The following CFAP54 variants were observed in gnomAD, a reference collection of about 807,000 sequenced individuals.
CFAP54 encodes cilia- and flagella-associated protein 54.
Under a neutral mutation model 370.4 loss-of-function variants are expected in CFAP54, and 290 were observed. The ratio of observed to expected loss-of-function variants is 0.78; its 90% CI spans 0.71 to 0.86. The LOEUF (loss-of-function observed/expected upper bound fraction) is 0.86. Among genes scored for constraint, CFAP54 ranks in the 40% least tolerant of loss-of-function variants. The probability of loss-of-function intolerance (pLI) is 0.00; values close to 1 mark genes in which losing one functional copy is unlikely to be tolerated. For missense variants in CFAP54, 3,399 were observed against 3,528.7 expected (o/e 0.96, Z 0.93); for synonymous variants, 1,206 against 1,236.5 (o/e 0.98, Z 0.52).
chr12:96,874,685 A>T (rs1427794147), intron 67 of CFAP54, among the ~76,000 whole-genome samples: 1 of 121,936 alleles, frequency 8.2e-6, no homozygotes, highest in Non-Finnish European at 1.6e-5. Context: ...GCTGGAGTGC[A>T]GTGGCGCGAT....
At chr12:96,831,830 G>C (rs1006730306) in intron 66 of CFAP54, among the ~76,000 whole-genome samples, 3 of 152,076 alleles carry the variant, frequency 2.0e-5, no homozygotes, top group Non-Finnish European at 2.9e-5. Context: ...TTTAATCTTT[G>C]CTTCACTTAT....
At chr12:96,566,816 A>C (rs1341820277) in intron 19 of CFAP54, among the ~76,000 whole-genome samples, 2 of 152,204 alleles carry the variant, frequency 1.3e-5, no homozygotes, top group Non-Finnish European at 2.9e-5. Flanking sequence ...GAAGTTCACT[A>C]TGTGCCTGGT....
chr12:96,500,998 G>A, intron 2 of CFAP54, 59 bp downstream of exon 2: 1 of 985,430 alleles, frequency 1.0e-6, no homozygotes, highest in South Asian at 1.5e-5. Flanking sequence ...TATTATTACA[G>A]TATTTAGTCT....
chr12:96,669,216 G>C (rs1957115768), intron 39 of CFAP54, among the ~76,000 whole-genome samples: 1 of 152,204 alleles, frequency 6.6e-6, no homozygotes, highest in African/African-American at 2.4e-5. Context: ...GCAGAAATTA[G>C]ATAATAAACT....
intron 65 of CFAP54, among the ~76,000 whole-genome samples, chr12:96,826,555 A>AATATATTATATATTAT (rs1959107404): frequency 1.3e-5 from 1 of 79,368 alleles, no homozygotes; most frequent in Non-Finnish European, 2.2e-5. Flanking sequence ...ATTTATATAT[A>AATATATTATATATTAT]ATATATAATA....
At chr12:96,561,661 A>G (rs1330765159) in intron 17 of CFAP54, among the ~76,000 whole-genome samples, 3 of 149,260 alleles carry the variant, frequency 2.0e-5, no homozygotes, top group African/African-American at 7.4e-5. Context: ...GCTCATTGCT[A>G]TTGAGATGTC....
intron 45 of CFAP54, among the ~76,000 whole-genome samples, chr12:96,698,339 A>G (rs1205016736): frequency 6.6e-6 from 1 of 152,218 alleles, no homozygotes; most frequent in African/African-American, 2.4e-5. Flanking sequence ...AAATATATGT[A>G]TTTAAAATTA....
intron 28 of CFAP54, among the ~76,000 whole-genome samples, 161 bp downstream of exon 28, chr12:96,624,042 G>A (rs905349288): frequency 2.0e-5 from 3 of 152,076 alleles, no homozygotes; most frequent in South Asian, 2.1e-4. Context: ...TGTTAATAAG[G>A]GATTGCTAAC....
intron 66 of CFAP54, among the ~76,000 whole-genome samples, chr12:96,854,122 CTTGA>C (rs570646154): frequency 1.2e-3 from 180 of 151,792 alleles, no homozygotes; most frequent in African/African-American, 4.1e-3. Context: ...TGTTTCCTAC[CTTGA>C]TTATCTGCTA....
chr12:96,813,829 T>C (rs1430722033), intron 64 of CFAP54, among the ~76,000 whole-genome samples: 2 of 152,172 alleles, frequency 1.3e-5, no homozygotes, highest in Non-Finnish European at 2.9e-5. Flanking sequence ...TGCTTGTTTG[T>C]AGTGCCAAGG....
chr12:96,510,323 C>T (rs1361229548), intron 4 of CFAP54, among the ~76,000 whole-genome samples: 1 of 151,518 alleles, frequency 6.6e-6, no homozygotes, highest in Non-Finnish European at 1.5e-5. Flanking sequence ...AAGATTCAGT[C>T]TGTGTTCCAT....
At chr12:96,513,567 C>A (rs1189060745) in intron 5 of CFAP54, among the ~76,000 whole-genome samples, 1 of 152,062 alleles carries the variant, frequency 6.6e-6, no homozygotes, top group Non-Finnish European at 1.5e-5. Context: ...ATGGCAAAAC[C>A]CCGTCTTTAC....
At position 96,790,979 on chromosome 12, in the gene CFAP54, A is replaced by G. The variant is rs150281791; in HGVS notation, c.8680-1350A>G. ...GTCATATTATATCTTGAATAGGCTCAGAAATAATGGGAGGGACAAAGCCTT... is the reference window on the plus strand; with the variant it reads ...GTCATATTATATCTTGAATAGGCTCGGAAATAATGGGAGGGACAAAGCCTT... On this transcript the variant is annotated intron_variant, in intron 62 of 67. Transcript: ENST00000524981. 1.5e-4 allele frequency among the ~76,000 whole-genome samples: 23 copies of G among 152,352 alleles called. No individual in the cohort carries two copies. The East Asian group carries it at 3.5e-3, about 23-fold the overall frequency.
intron 67 of CFAP54, among the ~76,000 whole-genome samples, chr12:96,865,832 T>C (rs2136467754): frequency 6.6e-6 from 1 of 152,236 alleles, no homozygotes; most frequent in South Asian, 2.1e-4. Flanking sequence ...TATTTTGGGT[T>C]TTAATGACAA....
At chr12:96,535,654 C>T in intron 12 of CFAP54, 54 bp downstream of exon 12, 4 of 1,208,164 alleles carry the variant, frequency 3.3e-6, no homozygotes, top group Non-Finnish European at 4.6e-6. Context: ...GTTTTTGTGC[C>T]TAACTTAAGG....
chr12:96,811,491 C>T (rs1236139735), intron 63 of CFAP54, among the ~76,000 whole-genome samples: 1 of 152,134 alleles, frequency 6.6e-6, no homozygotes, highest in Non-Finnish European at 1.5e-5. Flanking sequence ...AATTGCAATA[C>T]AAAATGTCAC....
At chr12:96,810,546 A>G (rs1328012254) in intron 63 of CFAP54, among the ~76,000 whole-genome samples, 1 of 152,160 alleles carries the variant, frequency 6.6e-6, no homozygotes, top group Admixed American at 6.6e-5. Context: ...AAATTTAGTA[A>G]TGTGTATAAG....
chr12:96,597,357 T>G lies in CFAP54; in HGVS notation c.3517-1288T>G, dbSNP rs1047889209. On this transcript the variant is annotated intron_variant, in intron 25 of 67. Transcript: ENST00000524981. ...TATGTACTGTCATTGGTTTAGAATG[T>G]ATACTGTGTTCTGGAGGATGGTATC... Among the ~76,000 whole-genome samples, 30 of 152,090 alleles carry G rather than the reference T, an allele frequency of 2.0e-4. 1 individual carries two copies. Among genetic ancestry groups the G allele is most frequent in the African/African-American group, 6.7e-4 (28 of 41,528 alleles).
At chr12:96,647,726 G>A in intron 33 of CFAP54, 149 bp from the exon 34 acceptor site, 1 of 608,608 alleles carries the variant, frequency 1.6e-6, no homozygotes. Context: ...GTGAAAAAAT[G>A]TTGGGCTTTG....
Sources: allele counts gnomAD v4.1 joint callset (sites outside exome capture counted in the v4.1 genomes callset), GRCh38; gene constraint gnomAD v4.1.1; transcripts MANE v1.5; gene names NCBI Gene and HGNC (gene_info 2026-07-23, HGNC 2026-07-21).